KIAA1217: variants seen among roughly 807,000 people sequenced by gnomAD.
KIAA1217 encodes KIAA1217, also known as sickle tail protein homolog.
KIAA1217 carries 88 observed loss-of-function variants against 163.9 expected under a neutral mutation model. The ratio of observed to expected loss-of-function variants is 0.54; its 90% CI spans 0.45 to 0.64. The LOEUF is 0.64. Among genes scored for constraint, KIAA1217 ranks in the 30% least tolerant of loss-of-function variants. The probability of loss-of-function intolerance (pLI) is 0.00; values close to 1 mark genes in which losing one functional copy is unlikely to be tolerated. For missense variants in KIAA1217, 2,372 were observed against 2,475.0 expected, an observed-to-expected ratio of 0.96 and a Z score of 0.88; for synonymous variants, 903 against 923.1, an observed-to-expected ratio of 0.98 and a Z score of 0.39.
intron 1 of KIAA1217, among the ~76,000 whole-genome samples, chr10:23,798,296 T>A (rs1836303232): frequency 6.6e-6 from 1 of 152,082 alleles, no homozygotes; most frequent in Non-Finnish European, 1.5e-5. Context: ...CTGTCCATTT[T>A]AAATCTTCTT....
intron 2 of KIAA1217, among the ~76,000 whole-genome samples, chr10:24,040,277 G>A (rs760016020): frequency 2.6e-5 from 4 of 152,214 alleles, no homozygotes; most frequent in Non-Finnish European, 5.9e-5. Flanking sequence ...CTTGGCTAGT[G>A]GGTGGAGAAT....
intron 17 of KIAA1217, among the ~76,000 whole-genome samples, chr10:24,537,409 C>G (rs2074188609): frequency 6.6e-6 from 1 of 151,930 alleles, no homozygotes; most frequent in Non-Finnish European, 1.5e-5. Context: ...AACCCCATCT[C>G]TACTTAAAAT....
intron 1 of KIAA1217, among the ~76,000 whole-genome samples, chr10:23,858,643 A>G (rs1021397898): frequency 1.3e-5 from 2 of 152,116 alleles, no homozygotes; most frequent in Admixed American, 6.5e-5. Context: ...GTCTAATTTC[A>G]GTCATAATCG....
At chr10:23,837,654 C>A (rs1838546327) in intron 1 of KIAA1217, among the ~76,000 whole-genome samples, 1 of 152,140 alleles carries the variant, frequency 6.6e-6, no homozygotes, top group Non-Finnish European at 1.5e-5. Flanking sequence ...CCATCTCAGC[C>A]TCTCCAGTAG....
chr10:24,115,875 G>T (rs1386035261), intron 2 of KIAA1217, among the ~76,000 whole-genome samples: 1 of 152,144 alleles, frequency 6.6e-6, no homozygotes, highest in Non-Finnish European at 1.5e-5. Context: ...TTCCATGGGG[G>T]CACTAGAAAG....
Position 23,855,744 on chromosome 10 carries a change from C to T in KIAA1217, c.-320-151481C>T, listed in dbSNP as rs541199632. ...TCTTTTTTCTCTAAACTTTCCTTCT[C>T]GCTTCATTTCATTCATTTCATCTTC... is the stretch of plus-strand genomic sequence containing the variant. On this transcript the variant is annotated intron_variant, in intron 1 of 18. Coordinates refer to the KIAA1217 transcript ENST00000376462. Among the ~76,000 whole-genome samples the T allele has an allele frequency of 4.6e-5, 7 of 152,230 alleles. No homozygotes were observed. In the South Asian group the frequency reaches 6.2e-4, roughly 14 times the overall value.
At chr10:23,834,214 AC>A (rs1461944705) in intron 1 of KIAA1217, among the ~76,000 whole-genome samples, 1 of 152,152 alleles carries the variant, frequency 6.6e-6, no homozygotes, top group Non-Finnish European at 1.5e-5. Flanking sequence ...CTAGTTCAGA[AC>A]CAGATCTTAT....
chr10:23,968,244 T>C (rs1220301831), intron 1 of KIAA1217, among the ~76,000 whole-genome samples: 1 of 152,204 alleles, frequency 6.6e-6, no homozygotes, highest in Non-Finnish European at 1.5e-5. Context: ...ATTCTAAGTA[T>C]ACATGTTGAG....
At chr10:24,318,669 C>T (rs556636681) in intron 2 of KIAA1217, among the ~76,000 whole-genome samples, 4 of 152,298 alleles carry the variant, frequency 2.6e-5, no homozygotes, top group East Asian at 1.9e-4. Flanking sequence ...TGTTGGGCAC[C>T]GCACAACTCC....
intron 2 of KIAA1217, among the ~76,000 whole-genome samples, chr10:24,181,514 G>T (rs935796893): frequency 6.6e-6 from 1 of 152,180 alleles, no homozygotes; most frequent in African/African-American, 2.4e-5. Flanking sequence ...ATTATGGGGG[G>T]CTTTGAGGCC....
chr10:24,502,111 T>G (rs1592462390), intron 9 of KIAA1217, among the ~76,000 whole-genome samples: 3 of 152,048 alleles, frequency 2.0e-5, no homozygotes, highest in Admixed American at 2.0e-4. Flanking sequence ...GCATTTGTTT[T>G]TGGAGAAGAG....
intron 1 of KIAA1217, among the ~76,000 whole-genome samples, chr10:23,793,117 C>T (rs1836035102): frequency 6.6e-6 from 1 of 152,004 alleles, no homozygotes; most frequent in African/African-American, 2.4e-5. Context: ...AAATGAGTGA[C>T]GATTTGTGCA....
At chr10:24,216,288 G>T (rs56710566) in intron 1 of KIAA1217, among the ~76,000 whole-genome samples, 8,710 of 152,162 alleles carry the variant, frequency 0.057, 816 homozygotes, top group African/African-American at 0.2. Context: ...GGATGAAACA[G>T]AATAGATCAT....
intron 1 of KIAA1217, among the ~76,000 whole-genome samples, chr10:23,993,066 C>T (rs1846291826): frequency 7.8e-6 from 1 of 128,338 alleles, no homozygotes; most frequent in Non-Finnish European, 1.6e-5. Context: ...GAGTCTTACT[C>T]TGTTGCCCAG....
At chr10:24,433,830 TG>T (rs1433040879) in intron 4 of KIAA1217, among the ~76,000 whole-genome samples, 1 of 152,138 alleles carries the variant, frequency 6.6e-6, no homozygotes, top group Non-Finnish European at 1.5e-5. Flanking sequence ...GAAAAGAGAC[TG>T]AGAAGCATCT....
At chr10:24,269,289 G>A (rs1050872439) in intron 2 of KIAA1217, among the ~76,000 whole-genome samples, 4 of 150,938 alleles carry the variant, frequency 2.7e-5, no homozygotes, top group Non-Finnish European at 4.4e-5. Flanking sequence ...TTGGGAGACC[G>A]AGGTGAGAAG....
intron 2 of KIAA1217, among the ~76,000 whole-genome samples, chr10:24,147,618 G>A (rs931996894): frequency 6.6e-5 from 10 of 151,882 alleles, no homozygotes; most frequent in African/African-American, 1.5e-4. Context: ...CAAGGCGGGC[G>A]GATCATCTGA....
chr10:24,412,544 A>C (rs540450016), intron 3 of KIAA1217, among the ~76,000 whole-genome samples: 46 of 152,264 alleles, frequency 3.0e-4, no homozygotes, highest in Non-Finnish European at 5.4e-4. Flanking sequence ...GACTGCCAAC[A>C]CATCACATGG....
intron 1 of KIAA1217, among the ~76,000 whole-genome samples, chr10:23,751,793 T>C (rs1380261879): frequency 1.3e-5 from 2 of 152,198 alleles, no homozygotes; most frequent in Admixed American, 6.5e-5. Context: ...TGTGAGATTA[T>C]CTGTCTTGAA....
Sources: gnomAD v4.1 joint callset for allele counts (sites outside exome capture counted in the v4.1 genomes callset) on GRCh38, gnomAD v4.1.1 for gene constraint, MANE v1.5 for transcripts, NCBI Gene and HGNC (gene_info 2026-07-23, HGNC 2026-07-21) for gene names.